The following DYNC2LI1 variants were observed in gnomAD, a reference collection of about 807,000 sequenced individuals.
DYNC2LI1 encodes dynein cytoplasmic 2 light intermediate chain 1.
In DYNC2LI1, 45 loss-of-function variants were observed where a neutral mutation model predicts 51.9. The observed-to-expected ratio is 0.87, with a 90% CI of 0.68 to 1.11. The LOEUF (loss-of-function observed/expected upper bound fraction) is 1.11. DYNC2LI1 is among the 50% of genes most tolerant of loss of function. DYNC2LI1 has a pLI of 0.00. For synonymous variants in DYNC2LI1, 130 were observed against 137.8 expected, an observed-to-expected ratio of 0.94 and a Z score of 0.40; for missense variants, 490 against 417.4, an observed-to-expected ratio of 1.17 and a Z score of -1.51.
the DYNC2LI1 span, among the ~76,000 whole-genome samples, chr2:43,827,330 A>G: frequency 1.3e-5 from 2 of 152,002 alleles, no homozygotes; most frequent in South Asian, 2.1e-4. Context: ...TGTCTCAAAA[A>G]AAAAAAAAAA....
At chr2:43,820,374 C>A in the DYNC2LI1 span, among the ~76,000 whole-genome samples, 2 of 152,208 alleles carry the variant, frequency 1.3e-5, no homozygotes, top group Non-Finnish European at 1.5e-5. Context: ...ATTACTTAGA[C>A]AATGGTCACA....
chr2:43,823,513 T>C, the DYNC2LI1 span, among the ~76,000 whole-genome samples: 4 of 152,128 alleles, frequency 2.6e-5, no homozygotes, highest in African/African-American at 4.8e-5. Context: ...TCCACTGAAT[T>C]TGAAAATTAG....
At chr2:43,823,392 C>G in the DYNC2LI1 span, among the ~76,000 whole-genome samples, 1 of 150,350 alleles carries the variant, frequency 6.7e-6, no homozygotes, top group Non-Finnish European at 1.5e-5. Flanking sequence ...TCTAGAGCAA[C>G]TTCACAATAG....
At chr2:43,828,065 C>T in the DYNC2LI1 span, 1 of 1,614,152 alleles carries the variant, frequency 6.2e-7, no homozygotes, top group Non-Finnish European at 8.5e-7. Context: ...AGTTGCCAAT[C>T]AGTCGGTCTG....
chr2:43,826,479 A>C, the DYNC2LI1 span: 1 of 1,614,196 alleles, frequency 6.2e-7, no homozygotes, highest in South Asian at 1.1e-5. Context: ...ATTAGCAGTC[A>C]TGCAGTCCAG....
intron 3 of DYNC2LI1, among the ~76,000 whole-genome samples, chr2:43,784,811 G>T (rs1399773936): frequency 1.3e-5 from 2 of 152,072 alleles, no homozygotes; most frequent in Non-Finnish European, 2.9e-5. Context: ...TTAAATATCA[G>T]ATCTTATGAA....
chr2:43,783,878 T>A (rs1673401415), intron 3 of DYNC2LI1, among the ~76,000 whole-genome samples: 2 of 152,214 alleles, frequency 1.3e-5, no homozygotes, highest in African/African-American at 4.8e-5. Flanking sequence ...AATCTACAAT[T>A]ATTTGAACAT....
chr2:43,809,042 GCAGTGGCGCAATCA>G (rs1666382476), intron 12 of DYNC2LI1, among the ~76,000 whole-genome samples: 1 of 151,888 alleles, frequency 6.6e-6, no homozygotes, highest in African/African-American at 2.4e-5. Context: ...AGGCTGGAGT[GCAGTGGCGCAATCA>G]CAGTTTACTG....
the DYNC2LI1 span, chr2:43,822,920 G>A: frequency 6.2e-7 from 1 of 1,613,958 alleles, no homozygotes; most frequent in Non-Finnish European, 8.5e-7. Context: ...GTCGCTGACA[G>A]CTCGCAGCAC....
rs758140847 is a variant in DYNC2LI1, at chr2:43,774,128, G to C, written c.-11G>C. ...GAGCCTGTGACGTTTGCGGCAGCCA[G>C]GCCGTCGACGATGCCCAGGTATTCC... On this transcript the variant is annotated 5_prime_UTR_variant, in exon 1 of 13. Coordinates refer to ENST00000260605, the MANE Select transcript of DYNC2LI1 (RefSeq NM_016008.4). 1.2e-6 allele frequency: 2 copies of C among 1,613,838 alleles called. No homozygotes were observed. Among genetic ancestry groups the C allele is most frequent in the Non-Finnish European group, 1.7e-6 (2 of 1,179,968 alleles).
chr2:43,818,242 G>A, the DYNC2LI1 span, among the ~76,000 whole-genome samples: 1 of 151,952 alleles, frequency 6.6e-6, no homozygotes, highest in Non-Finnish European at 1.5e-5. Context: ...ACTTGAGGTC[G>A]AGACTAGCCT....
chr2:43,798,988 C>G (rs1386930638), intron 8 of DYNC2LI1, among the ~76,000 whole-genome samples: 1 of 151,350 alleles, frequency 6.6e-6, no homozygotes, highest in African/African-American at 2.4e-5. Flanking sequence ...ATATTATGAA[C>G]AATCTAATTA....
In DYNC2LI1 at chr2:43,798,938, A is replaced by G. The variant is rs1190553441; in HGVS notation, c.655-1903A>G. On this transcript the variant is annotated intron_variant, in intron 8 of 12. Transcript: ENST00000260605. ...CAGGGTTTTTTTTTTTTCCAACACT[A>G]TAGTTGATCCTATATAGTGCAGTTG... 4.6e-5 allele frequency among the ~76,000 whole-genome samples: 7 copies of G among 151,460 alleles called. No individual in the cohort carries two copies. The East Asian group carries it at 9.7e-4, about 21-fold the overall frequency.
chr2:43,791,501 G>A lies in DYNC2LI1; in HGVS notation c.320+1780G>A, dbSNP rs78646504. ...TTCCTTTCCCTGGAGCCCCATGACA[G>A]CTGGGACCTGCTTTAGGAGAGAGGA... is the stretch of plus-strand genomic sequence containing the variant. On this transcript the variant is annotated intron_variant, in intron 5 of 12. Transcript: ENST00000260605. 9.0e-3 allele frequency among the ~76,000 whole-genome samples: 1,377 copies of A among 152,174 alleles called. 25 individuals are homozygous for A. The highest frequency in any genetic ancestry group is 0.032 in the African/African-American group (1,310 of 41,448).
the DYNC2LI1 span, chr2:43,819,944 C>G: frequency 1.2e-6 from 2 of 1,613,994 alleles, no homozygotes; most frequent in East Asian, 2.2e-5. Context: ...CAAGCACCCC[C>G]GCAATGGACA....
intron 7 of DYNC2LI1, 121 bp downstream of exon 7, chr2:43,796,079 G>T: frequency 1.4e-6 from 1 of 722,858 alleles, no homozygotes; most frequent in Non-Finnish European, 2.3e-6. Context: ...GTTAAGTCAT[G>T]CATCTTAAAG....
rs770023522 is a variant in DYNC2LI1, at chr2:43,774,102, C to T, written c.-37C>T. 1.2e-6 allele frequency: 2 copies of T among 1,613,256 alleles called. No individual in the cohort carries two copies. The highest frequency in any genetic ancestry group is 8.5e-7 in the Non-Finnish European group (1 of 1,179,718). The stretch of plus-strand genomic sequence containing the variant: ...CCTGATTCTAGGCTGGTCACTACTC[C>T]GAGCCTGTGACGTTTGCGGCAGCCA... On this transcript the variant is annotated 5_prime_UTR_variant, in exon 1 of 13. Transcript: ENST00000260605.
the DYNC2LI1 span, chr2:43,824,274 G>A: frequency 6.2e-7 from 1 of 1,614,174 alleles, no homozygotes; most frequent in Non-Finnish European, 8.5e-7. Context: ...GTTTTGAAAG[G>A]AACCATTGGT....
chr2:43,822,617 G>A, the DYNC2LI1 span: 4 of 985,046 alleles, frequency 4.1e-6, no homozygotes, highest in Non-Finnish European at 4.8e-6. Context: ...GCAACCCACA[G>A]TTGGGCTATT....
Sources: gnomAD v4.1 joint callset for allele counts (sites outside exome capture counted in the v4.1 genomes callset) on GRCh38, gnomAD v4.1.1 for gene constraint, MANE v1.5 for transcripts, NCBI Gene and HGNC (gene_info 2026-07-23, HGNC 2026-07-21) for gene names.